Variants in ANKRD26 observed in about 807,000 individuals in gnomAD.
ANKRD26 encodes the protein ankyrin repeat domain-containing protein 26.
In ANKRD26, 141 loss-of-function variants were observed where a neutral mutation model predicts 208.7. The observed-to-expected ratio is 0.68, with a 90% confidence interval of 0.59 to 0.78. The LOEUF is 0.78. Ranked by LOEUF, ANKRD26 falls within the 30% of genes least tolerant of loss-of-function variation. ANKRD26 has a pLI of 0.00. For synonymous variants in ANKRD26, 636 were observed against 660.4 expected (o/e 0.96, Z 0.57); for missense variants, 1,889 against 1,938.7 (o/e 0.97, Z 0.48).
At chr10:27,050,290 T>A (rs1192255444) in intron 16 of ANKRD26, among the ~76,000 whole-genome samples, 1 of 151,430 alleles carries the variant, frequency 6.6e-6, no homozygotes, top group Non-Finnish European at 1.5e-5. Context: ...GATTATTGTT[T>A]ATCTTTACAA....
At chr10:26,970,725 T>A (rs2052130481), downstream of ANKRD26, among the ~76,000 whole-genome samples, 4 of 152,216 alleles carry the variant, frequency 2.6e-5, no homozygotes, top group Non-Finnish European at 5.9e-5. Flanking sequence ...TCAAATGGAA[T>A]TACTGGATCA....
downstream of ANKRD26, among the ~76,000 whole-genome samples, chr10:27,002,073 G>C (rs779381370): frequency 2.6e-5 from 4 of 152,160 alleles, no homozygotes; most frequent in Admixed American, 6.5e-5. Flanking sequence ...ATAGTCCCAC[G>C]TGGGTTTTCA....
the ANKRD26 span, among the ~76,000 whole-genome samples, chr10:26,954,202 TCATTTC>T: frequency 6.6e-6 from 1 of 152,234 alleles, no homozygotes; most frequent in Non-Finnish European, 1.5e-5. Flanking sequence ...TTTTTATTAT[TCATTTC>T]AGGAAGTTAG....
At position 27,055,435 on chromosome 10, in the gene ANKRD26, C is replaced by T. The variant is rs2054806326; in HGVS notation, c.1565-2045G>A. 2.0e-5 allele frequency among the ~76,000 whole-genome samples: 3 copies of T among 152,030 alleles called. No homozygotes were observed. The South Asian group carries it at 6.2e-4, about 31-fold the overall frequency. On this transcript the variant is annotated intron_variant, in intron 15 of 33. Transcript: ENST00000376087. Reference sequence around the variant, plus strand: ...ATAACTGATCATCTTCTGTAAAATACAACATTAATTCTACAAGTAAGGGGG... The same window carrying T: ...ATAACTGATCATCTTCTGTAAAATATAACATTAATTCTACAAGTAAGGGGG...
chr10:26,980,925 A>T (rs1351128619), intron 4 of ANKRD26, among the ~76,000 whole-genome samples: 1 of 152,152 alleles, frequency 6.6e-6, no homozygotes, highest in Admixed American at 6.5e-5. Context: ...GTTATCAGTT[A>T]GTATCTCTAA....
chr10:26,991,631 G>A (rs778707921), downstream of ANKRD26, among the ~76,000 whole-genome samples: 15 of 152,258 alleles, frequency 9.9e-5, no homozygotes, highest in Non-Finnish European at 1.8e-4. Flanking sequence ...TAGTAAAGAC[G>A]AGGTTCTCCT....
In ANKRD26 at chr10:27,038,011, T is replaced by C. The variant is rs2054099923; in HGVS notation, c.2419A>G (p.Thr807Ala). Reference protein sequence around the residue: ...QEEEKRRNADTLYEKIREQLR... With the variant: ...QEEEKRRNADALYEKIREQLR... ...TGTTCCCTAATTTTTTCATACAACG[T>C]ATCAGCATTTCTTCTCTTCTCTTCT... is the stretch of plus-strand genomic sequence containing the variant. The change falls in exon 22 of 34, where the codon ACG (threonine) becomes GCG (alanine). Residue 807 changes from threonine to alanine, a missense_variant. Physicochemically the swap from Thr to Ala is moderately conservative, Grantham distance 58. Transcript: ENST00000376087. 6.2e-7 allele frequency: 1 copy of C among 1,612,184 alleles called. No homozygotes were observed. Among genetic ancestry groups the C allele is most frequent in the African/African-American group, 1.3e-5 (1 of 75,020 alleles).
intron 20 of ANKRD26, among the ~76,000 whole-genome samples, chr10:27,042,827 G>A (rs1324024030): frequency 6.9e-6 from 1 of 143,904 alleles, no homozygotes; most frequent in Non-Finnish European, 1.5e-5. Context: ...AAAGCTGGGT[G>A]TGGTGGCACA....
At chr10:26,970,353 TAGTG>T (rs2052125337), downstream of ANKRD26, among the ~76,000 whole-genome samples, 1 of 152,164 alleles carries the variant, frequency 6.6e-6, no homozygotes, top group South Asian at 2.1e-4. Flanking sequence ...GTCTTCACCA[TAGTG>T]AGTGTTTTCT....
chr10:26,990,846 C>A (rs2052473705), downstream of ANKRD26, among the ~76,000 whole-genome samples: 1 of 152,176 alleles, frequency 6.6e-6, no homozygotes, highest in South Asian at 2.1e-4. Context: ...ACACTGATCA[C>A]ACCAATTATG....
At position 27,030,607 on chromosome 10, in the gene ANKRD26, A is replaced by G. The variant is rs1006114681; in HGVS notation, c.3808-1251T>C. Reference sequence around the variant, plus strand: ...CTACGGATCCCAGCTCTGGCTACGTAATAAAGAAATGGAAATGTAGATTTC... The same window carrying G: ...CTACGGATCCCAGCTCTGGCTACGTGATAAAGAAATGGAAATGTAGATTTC... On this transcript the variant is annotated intron_variant, in intron 25 of 33. Coordinates refer to ENST00000376087, the MANE Select transcript of ANKRD26 (RefSeq NM_014915.3). 15 of 985,154 alleles carry G rather than the reference A, an allele frequency of 1.5e-5. No individual in the cohort carries two copies. In the African/African-American group the frequency reaches 2.4e-4, roughly 16 times the overall value. The allele number at this position is 985,154 out of a possible 1,614,324, so 61.0% of individuals were successfully genotyped here. A position where few individuals can be genotyped will look rare whatever the true frequency, so the allele number is the denominator to read the frequency against.
intron 11 of ANKRD26, among the ~76,000 whole-genome samples, chr10:27,065,550 T>TTTA (rs760362481): frequency 6.6e-6 from 1 of 152,080 alleles, no homozygotes; most frequent in African/African-American, 2.4e-5. Context: ...ACCCTGAATA[T>TTTA]TTATTGTCAC....
intron 22 of ANKRD26, 59 bp downstream of exon 22, chr10:27,037,812 G>A (rs2054092953): frequency 1.5e-6 from 2 of 1,302,126 alleles, no homozygotes; most frequent in South Asian, 1.3e-5. Flanking sequence ...TCAAAAGGAT[G>A]TGATAATAGT....
downstream of ANKRD26, among the ~76,000 whole-genome samples, chr10:26,990,767 A>C (rs1050553392): frequency 2.0e-5 from 3 of 152,252 alleles, no homozygotes; most frequent in African/African-American, 7.2e-5. Flanking sequence ...CAAATATGAT[A>C]GAAGAAAGAT....
chr10:27,010,799 C>T (rs1234194220), intron 32 of ANKRD26, among the ~76,000 whole-genome samples: 2 of 152,026 alleles, frequency 1.3e-5, no homozygotes, highest in Non-Finnish European at 2.9e-5. Context: ...TGAACCATTG[C>T]ACCCGGCCTA....
intron 10 of ANKRD26, among the ~76,000 whole-genome samples, chr10:27,066,796 T>C (rs147633175): frequency 2.0e-5 from 3 of 152,172 alleles, no homozygotes; most frequent in Non-Finnish European, 4.4e-5. Context: ...TGTTAATTGG[T>C]TGTCTTAGAA....
chr10:27,064,268 T>A (rs2055162797), intron 11 of ANKRD26, among the ~76,000 whole-genome samples, 187 bp from the exon 12 acceptor site: 1 of 152,146 alleles, frequency 6.6e-6, no homozygotes, highest in Admixed American at 6.6e-5. Context: ...CTCACTAGAT[T>A]AAGCTTATCT....
In ANKRD26 at chr10:27,034,887, A is replaced by G. The variant is rs556492182; in HGVS notation, c.3563T>C (p.Leu1188Pro). The change falls in exon 24 of 34, where the codon CTG (leucine) becomes CCG (proline). Residue 1188 changes from leucine to proline, a missense_variant. Leu to Pro is a moderately conservative substitution (Grantham distance 98). Around this residue, in one of 3 missense-constraint regions of ANKRD26, gnomAD observed 613 missense variants for 648.2 expected, o/e 0.95. Coordinates refer to ENST00000376087, the MANE Select transcript of ANKRD26 (RefSeq NM_014915.3). ...LQAESEKQSL[L>P]LEERNKELIS... ...TAACTCCTTATTTCTTTCTTCTAGCAGAAGACTTTGCTTTTCACTCTCAGC... is the reference window on the plus strand; with the variant it reads ...TAACTCCTTATTTCTTTCTTCTAGCGGAAGACTTTGCTTTTCACTCTCAGC... The G allele has an allele frequency of 6.2e-7, 1 of 1,613,724 alleles. No homozygotes were observed. The highest frequency in any genetic ancestry group is 1.1e-5 in the South Asian group (1 of 90,962).
intron 7 of ANKRD26, among the ~76,000 whole-genome samples, chr10:27,077,907 G>A (rs1269995883): frequency 6.6e-6 from 1 of 150,396 alleles, no homozygotes. Context: ...ATCCTCCAAA[G>A]GTTACTCCCC....
Sources: allele counts gnomAD v4.1 joint callset (sites outside exome capture counted in the v4.1 genomes callset), GRCh38; gene constraint gnomAD v4.1.1; regional missense constraint gnomAD v4.1.1; transcripts MANE v1.5; gene names NCBI Gene and HGNC (gene_info 2026-07-23, HGNC 2026-07-21).